Variants in COL5A3 observed in about 807,000 individuals in gnomAD.
The protein encoded by COL5A3 is collagen alpha-3(V) chain.
A neutral mutation model predicts 250.0 loss-of-function variants in COL5A3; 172 were observed. The ratio of observed to expected loss-of-function variants is 0.69; its 90% CI spans 0.61 to 0.78. The LOEUF (loss-of-function observed/expected upper bound fraction) is 0.78, where lower values mean the gene tolerates loss of function less well. Ranked by LOEUF, COL5A3 falls within the 30% of genes least tolerant of loss-of-function variation. COL5A3 has a pLI of 0.00. For missense variants in COL5A3, 2,340 were observed against 2,334.4 expected (o/e 1.00, Z -0.05); for synonymous variants, 937 against 900.4 (o/e 1.04, Z -0.73).
chr19:9,960,310 C>T lies in COL5A3; in HGVS notation c.*101G>A. 2.1e-6 allele frequency: 3 copies of T among 1,411,026 alleles called. No homozygotes were observed. In the South Asian group the frequency reaches 3.6e-5, roughly 17 times the overall value. The allele number at this position is 1,411,026 out of a possible 1,614,324, so 87.4% of individuals were successfully genotyped here. A position where few individuals can be genotyped will look rare whatever the true frequency, so the allele number is the denominator to read the frequency against. On this transcript the variant is annotated 3_prime_UTR_variant, in exon 67 of 67. Coordinates refer to ENST00000264828, the MANE Select transcript of COL5A3 (RefSeq NM_015719.4). ...TGAGCGAAGTCACATCCCATTGGCT[C>T]CATAGTCACAGGTAACGAAAAATAC... is the stretch of plus-strand genomic sequence containing the variant.
intron 27 of COL5A3, among the ~76,000 whole-genome samples, chr19:9,988,745 C>T (rs759135079): frequency 1.4e-5 from 2 of 146,540 alleles, no homozygotes; most frequent in Non-Finnish European, 3.0e-5. Context: ...GCAGTAGAAT[C>T]GCTTGAATCC....
rs2087224173 is a variant in COL5A3, at chr19:9,993,449, A to G, written c.1696-16T>C. ...CAAAGTCACCCTGGAGAGGGAACAG[A>G]GGGGAGTTCAGAGTGGAAGGGTGTG... On this transcript the variant is annotated splice_polypyrimidine_tract_variant and intron_variant, in intron 18 of 66. Coordinates refer to ENST00000264828, the MANE Select transcript of COL5A3 (RefSeq NM_015719.4). The G allele has an allele frequency of 1.2e-6, 2 of 1,613,692 alleles. No homozygotes were observed. Among genetic ancestry groups the G allele is most frequent in the South Asian group, 1.1e-5 (1 of 91,024 alleles).
At chr19:9,986,881 G>T in intron 27 of COL5A3, 123 bp from the exon 28 acceptor site, 1 of 1,014,532 alleles carries the variant, frequency 9.9e-7, no homozygotes, top group Non-Finnish European at 1.5e-6. Context: ...AGCTGGGAGG[G>T]GCAGCTTCAG....
At position 10,001,555 on chromosome 19, in the gene COL5A3, T is replaced by A. The variant is rs1035334164; in HGVS notation, c.1079A>T (p.Tyr360Phe). The A allele has an allele frequency of 1.9e-6, 3 of 1,614,094 alleles. No homozygotes were observed. Among genetic ancestry groups the A allele is most frequent in the Non-Finnish European group, 2.5e-6 (3 of 1,180,002 alleles). Residue 360 changes from tyrosine (Y) to phenylalanine (F), a missense_variant, in exon 8 of 67, where the codon TAT becomes TTT. By Grantham distance (22) the Tyr-to-Phe change is conservative (BLOSUM62 3). Transcript: ENST00000264828. ...TMGPDFRAAEYPSRTQFQIFP... is the reference protein window; with the variant it reads ...TMGPDFRAAEFPSRTQFQIFP... ...GATCTGGAACTGAGTCCGAGATGGA[T>A]ATTCTGCTGCCCGGAAGTCAGGGCC...
chr19:9,995,876 T>C, intron 15 of COL5A3, 190 bp downstream of exon 15: 1 of 635,232 alleles, frequency 1.6e-6, no homozygotes, highest in Non-Finnish European at 2.7e-6. Flanking sequence ...ACTCCTGGCC[T>C]CAAGCAATCC....
chr19:9,960,810 G>A lies in COL5A3; in HGVS notation c.4932C>T (p.Arg1644=), dbSNP rs780688188. 20 of 1,613,524 alleles carry A rather than the reference G, an allele frequency of 1.2e-5. No homozygotes were observed. The highest frequency in any genetic ancestry group is 1.6e-5 in the Non-Finnish European group (19 of 1,180,038). ...NFLKLLSATA[R]QNFTYSCQNA... ...TCTGGCAGGAGTAGGTGAAGTTCTG[G>A]CGAGCTGTGGCACTCAGCAGTTTCA... The change falls in exon 66 of 67, where the codon CGC becomes CGT. Residue 1644 remains arginine (R), a synonymous_variant. Coordinates refer to ENST00000264828, the MANE Select transcript of COL5A3 (RefSeq NM_015719.4).
Position 10,006,192 on chromosome 19 carries a change from C to A in COL5A3, c.128G>T (p.Gly43Val), listed in dbSNP as rs867664445. 2 of 1,605,750 alleles carry A rather than the reference C, an allele frequency of 1.2e-6. No homozygotes were observed. The highest frequency in any genetic ancestry group is 2.2e-5 in the South Asian group (2 of 89,778). ...DVLKALGVQG[G>V]QAGVPEGPGF... ...AGGCCCCTCGGGGACCCCAGCCTGG[C>A]CTCCCTGCACACCCAGGGCCTTCAG... is the stretch of plus-strand genomic sequence containing the variant. Residue 43 changes from glycine (G) to valine (V), a missense_variant, in exon 2 of 67, where the codon GGC becomes GTC. Transcript: ENST00000264828.
chr19:9,977,839 G>T, intron 41 of COL5A3, 138 bp from the exon 42 acceptor site: 1 of 578,708 alleles, frequency 1.7e-6, no homozygotes, highest in Non-Finnish European at 2.7e-6. Flanking sequence ...CAGCCAGAGG[G>T]TGCCTGTGAG....
At chr19:9,986,258 G>C in intron 30 of COL5A3, 57 bp downstream of exon 30, 1 of 1,209,322 alleles carries the variant, frequency 8.3e-7, no homozygotes, top group Non-Finnish European at 1.2e-6. Flanking sequence ...AAAGGGCAGA[G>C]GGAAAAGATT....
At position 9,973,973 on chromosome 19, in the gene COL5A3, C is replaced by G. The variant is rs1198333776; in HGVS notation, c.3505-1G>C. 6.5e-7 allele frequency: 1 copy of G among 1,535,666 alleles called. No individual in the cohort carries two copies. The highest frequency in any genetic ancestry group is 8.8e-7 in the Non-Finnish European group (1 of 1,142,086). On this transcript the variant is annotated splice_acceptor_variant, in intron 47 of 66. Transcript: ENST00000264828. LOFTEE classifies it high-confidence loss of function. ...GAGGACCTGGAGCTCCATGGGGACC[C>G]TGTGGAAGGTCAGAATTAGTACCCA... is the stretch of plus-strand genomic sequence containing the variant.
chr19:9,985,622 T>C (rs1161993379), intron 31 of COL5A3, among the ~76,000 whole-genome samples: 1 of 151,992 alleles, frequency 6.6e-6, no homozygotes, highest in Non-Finnish European at 1.5e-5. Flanking sequence ...CCCAGTCTGG[T>C]CTCGAACTCC....
At chr19:9,986,291 G>C in intron 30 of COL5A3, 24 bp downstream of exon 30, 1 of 1,440,068 alleles carries the variant, frequency 6.9e-7, no homozygotes, top group Non-Finnish European at 9.4e-7. Flanking sequence ...ACTGTGGGAG[G>C]CTAGAGGGTG....
rs765630453 is a variant in COL5A3, at chr19:9,973,826, G to T, written c.3559-17C>A. The T allele has an allele frequency of 6.2e-7, 1 of 1,613,960 alleles. No homozygotes were observed. The highest frequency in any genetic ancestry group is 8.5e-7 in the Non-Finnish European group (1 of 1,179,920). On this transcript the variant is annotated splice_polypyrimidine_tract_variant and intron_variant, in intron 48 of 66. Coordinates refer to ENST00000264828, the MANE Select transcript of COL5A3 (RefSeq NM_015719.4). ...TGGAGTGCCCTGGAGAGACAGCAAG[G>T]GGTAAGAGTGGGACTGTGGAATCCC... is the stretch of plus-strand genomic sequence containing the variant.
At chr19:9,966,784 A>T in intron 62 of COL5A3, 38 bp from the exon 63 acceptor site, 8 of 1,427,258 alleles carry the variant, frequency 5.6e-6, no homozygotes, top group African/African-American at 1.4e-5. Flanking sequence ...GAGAGGGGAG[A>T]TGGGGGAGGG....
intron 27 of COL5A3, among the ~76,000 whole-genome samples, 182 bp from the exon 28 acceptor site, chr19:9,986,940 T>C (rs1418244546): frequency 6.6e-6 from 1 of 152,116 alleles, no homozygotes; most frequent in African/African-American, 2.4e-5. Flanking sequence ...TGGAGGCCTC[T>C]CAAGGTCATC....
chr19:9,983,594 AAGAAAG>A (rs59588473), intron 31 of COL5A3, among the ~76,000 whole-genome samples: 4,359 of 76,434 alleles, frequency 0.057, 315 homozygotes, highest in African/African-American at 0.089. Context: ...GAAAGAAAGA[AAGAAAG>A]AGAAAGAGAG....
At chr19:9,965,518 A>G (rs1359777550) in intron 64 of COL5A3, among the ~76,000 whole-genome samples, 1 of 146,450 alleles carries the variant, frequency 6.8e-6, no homozygotes. Flanking sequence ...CCATGGTGCA[A>G]TCTTGGCTCA....
intron 31 of COL5A3, among the ~76,000 whole-genome samples, chr19:9,984,866 C>T (rs1315424205): frequency 6.6e-6 from 1 of 151,838 alleles, no homozygotes; most frequent in Non-Finnish European, 1.5e-5. Context: ...TCATAGCTCA[C>T]TGCAGGCTCA....
chr19:9,966,777 A>T, intron 62 of COL5A3, 31 bp from the exon 63 acceptor site: 2 of 1,468,948 alleles, frequency 1.4e-6, no homozygotes, highest in Non-Finnish European at 1.8e-6. Context: ...CGGAGAAGAG[A>T]GGGGAGATGG....
Sources: gnomAD v4.1 joint callset for allele counts (sites outside exome capture counted in the v4.1 genomes callset) on GRCh38, gnomAD v4.1.1 for gene constraint, MANE v1.5 for transcripts, NCBI Gene and HGNC (gene_info 2026-07-23, HGNC 2026-07-21) for gene names.